Variants in CLIC4 observed in about 807,000 individuals in gnomAD.
The protein encoded by CLIC4 is chloride intracellular channel protein 4.
In CLIC4, 13 loss-of-function variants were observed where a neutral mutation model predicts 24.6. That is an observed-to-expected ratio of 0.53 (90% CI 0.34 to 0.84). The LOEUF is 0.84. CLIC4 is among the 40% of genes least tolerant of loss of function. The probability of loss-of-function intolerance (pLI) is 0.01; values close to 1 mark genes in which losing one functional copy is unlikely to be tolerated. For synonymous variants in CLIC4, 104 were observed against 111.3 expected (o/e 0.93, Z 0.41); for missense variants, 227 against 301.7 (o/e 0.75, Z 1.83).
At chr1:24,772,219 T>A (rs1160144621) in intron 1 of CLIC4, among the ~76,000 whole-genome samples, 1 of 152,164 alleles carries the variant, frequency 6.6e-6, no homozygotes, top group African/African-American at 2.4e-5. Flanking sequence ...TTGTTGTATC[T>A]AAAATAAAGC....
Position 24,827,211 on chromosome 1 carries a change from G to A in CLIC4, c.415+95G>A, listed in dbSNP as rs968842759. 12 of 734,384 alleles carry A rather than the reference G, an allele frequency of 1.6e-5. No individual in the cohort carries two copies. In the Admixed American group the frequency reaches 3.2e-4, roughly 20 times the overall value. 45.5% of individuals were successfully genotyped at this position (734,384 alleles called of 1,614,324 possible). Reference sequence around the variant, plus strand: ...AGTGATTATAAATGAGTACTTTAGAGTCCAGCCATTCCCATAAGTAATAAA... The same window carrying A: ...AGTGATTATAAATGAGTACTTTAGAATCCAGCCATTCCCATAAGTAATAAA... On this transcript the variant is annotated intron_variant, in intron 4 of 5. Transcript: ENST00000374379.
intron 2 of CLIC4, among the ~76,000 whole-genome samples, chr1:24,809,591 G>T (rs1211265962): frequency 6.6e-6 from 1 of 152,140 alleles, no homozygotes; most frequent in Non-Finnish European, 1.5e-5. Context: ...CTCCCGAGTA[G>T]CTGGGACTAT....
At chr1:24,781,729 G>A (rs1282539264) in intron 1 of CLIC4, among the ~76,000 whole-genome samples, 4 of 150,960 alleles carry the variant, frequency 2.6e-5, no homozygotes, top group Admixed American at 2.6e-4. Flanking sequence ...GTGCAGTGGC[G>A]CGATCTCGGC....
At position 24,839,968 on chromosome 1, in the gene CLIC4, C is replaced by T. The variant is rs922328805; in HGVS notation, c.524C>T (p.Thr175Ile). Residue 175 changes from threonine to isoleucine, a missense_variant, in exon 5 of 6, where the codon ACA (threonine) becomes ATA (isoleucine). Thr to Ile is a moderately conservative substitution (Grantham distance 89, BLOSUM62 -1). Coordinates refer to ENST00000374379, the MANE Select transcript of CLIC4 (RefSeq NM_013943.3). ...AGTATGGAGGACATAAAGTTTTCTACACGTAAATTTCTGGATGGCAATGAA... is the reference window on the plus strand; with the variant it reads ...AGTATGGAGGACATAAAGTTTTCTATACGTAAATTTCTGGATGGCAATGAA... The part of the protein sequence containing the change: ...ENSMEDIKFS[T>I]RKFLDGNEMT... 4.3e-6 allele frequency: 7 copies of T among 1,613,968 alleles called. No homozygotes were observed. The Admixed American group carries it at 1.0e-4, about 23-fold the overall frequency.
At chr1:24,814,327 C>G in intron 3 of CLIC4, 108 bp downstream of exon 3, 1 of 1,247,296 alleles carries the variant, frequency 8.0e-7, no homozygotes, top group Non-Finnish European at 1.1e-6. Flanking sequence ...GACTAGGACT[C>G]TCTTCTATGT....
chr1:24,820,158 A>G (rs1170091344), intron 3 of CLIC4, among the ~76,000 whole-genome samples: 24 of 134,488 alleles, frequency 1.8e-4, no homozygotes, highest in African/African-American at 6.3e-4. Flanking sequence ...GCTCACTGCA[A>G]CCTTGAACTC....
At chr1:24,749,569 C>T (rs1242026087) in intron 1 of CLIC4, among the ~76,000 whole-genome samples, 1 of 152,192 alleles carries the variant, frequency 6.6e-6, no homozygotes, top group African/African-American at 2.4e-5. Context: ...CATTAACTCC[C>T]TGTCATCTAT....
intron 2 of CLIC4, among the ~76,000 whole-genome samples, chr1:24,799,729 C>T (rs1639456861): frequency 1.4e-5 from 2 of 139,412 alleles, no homozygotes; most frequent in African/African-American, 5.4e-5. Context: ...CGGCCAGCCG[C>T]CCCGTCCGGG....
intron 1 of CLIC4, among the ~76,000 whole-genome samples, chr1:24,748,705 G>T (rs1324538710): frequency 4.0e-5 from 6 of 151,636 alleles, no homozygotes; most frequent in African/African-American, 1.5e-4. Flanking sequence ...TACCATGTTG[G>T]CCAGGCTGGT....
chr1:24,763,481 A>G (rs1407351886), intron 1 of CLIC4, among the ~76,000 whole-genome samples: 1 of 141,104 alleles, frequency 7.1e-6, no homozygotes, highest in Admixed American at 8.1e-5. Context: ...TGGAGGTTGC[A>G]GTGAATCGAA....
chr1:24,817,575 A>G (rs1162627972), intron 3 of CLIC4, among the ~76,000 whole-genome samples: 3 of 152,126 alleles, frequency 2.0e-5, no homozygotes, highest in Non-Finnish European at 4.4e-5. Context: ...CTTTCTCCCT[A>G]TTGGCAATAA....
chr1:24,798,843 C>T (rs1036704897), intron 2 of CLIC4, among the ~76,000 whole-genome samples: 38 of 152,342 alleles, frequency 2.5e-4, no homozygotes, highest in Admixed American at 1.7e-3. Context: ...GACGGGGTTT[C>T]GCTGTGTTGG....
chr1:24,809,610 A>G (rs999588788), intron 2 of CLIC4, among the ~76,000 whole-genome samples: 1 of 152,128 alleles, frequency 6.6e-6, no homozygotes, highest in Non-Finnish European at 1.5e-5. Context: ...ATAGGCATGC[A>G]CTACTACACC....
intron 2 of CLIC4, among the ~76,000 whole-genome samples, chr1:24,799,619 C>G (rs1425289937): frequency 7.0e-6 from 1 of 142,604 alleles, no homozygotes; most frequent in Non-Finnish European, 1.5e-5. Flanking sequence ...GCCCCCCGCC[C>G]GGCCAGCCGC....
Position 24,843,238 on chromosome 1 carries a change from A to G in CLIC4, c.*2301A>G, listed in dbSNP as rs1557818399. On this transcript the variant is annotated 3_prime_UTR_variant, in exon 6 of 6. Coordinates refer to ENST00000374379, the MANE Select transcript of CLIC4 (RefSeq NM_013943.3). ...AGTCAAATGAAATGGAAATTGGTAA[A>G]TGGACAAAAGCTAGCTAGTAAAAAG... is the stretch of plus-strand genomic sequence containing the variant. The G allele has an allele frequency of 6.6e-6, 1 of 152,208 alleles. No homozygotes were observed. Among genetic ancestry groups the G allele is most frequent in the South Asian group, 2.1e-4 (1 of 4,832 alleles). The allele number at this position is 152,208 out of a possible 1,614,324, so 9.4% of individuals were successfully genotyped here. A position where few individuals can be genotyped will look rare whatever the true frequency, so the allele number is the denominator to read the frequency against.
intron 1 of CLIC4, among the ~76,000 whole-genome samples, chr1:24,796,102 GAA>G (rs1639396436): frequency 6.6e-6 from 1 of 152,194 alleles, no homozygotes; most frequent in Non-Finnish European, 1.5e-5. Context: ...TTTAAATTAT[GAA>G]AACATATTGT....
At chr1:24,829,449 TTATG>T (rs1639818648) in intron 4 of CLIC4, among the ~76,000 whole-genome samples, 2 of 152,194 alleles carry the variant, frequency 1.3e-5, no homozygotes, top group Admixed American at 6.5e-5. Context: ...GAGTAAAAGT[TTATG>T]TAACCATTTA....
chr1:24,747,626 A>T (rs1365587914), intron 1 of CLIC4, among the ~76,000 whole-genome samples: 1 of 152,094 alleles, frequency 6.6e-6, no homozygotes, highest in Non-Finnish European at 1.5e-5. Context: ...AGTTAAAAAA[A>T]ATTTTTACTG....
intron 4 of CLIC4, among the ~76,000 whole-genome samples, chr1:24,839,591 G>A (rs12030164): frequency 0.24 from 37,169 of 152,092 alleles, 5,162 homozygotes; most frequent in Admixed American, 0.34. Context: ...GAGCCACCGC[G>A]CCCGGCCATT....
Sources: gnomAD v4.1 joint callset for allele counts (sites outside exome capture counted in the v4.1 genomes callset) on GRCh38, gnomAD v4.1.1 for gene constraint, MANE v1.5 for transcripts, NCBI Gene and HGNC (gene_info 2026-07-23, HGNC 2026-07-21) for gene names.